The following ZNF786 variants were observed in gnomAD, a reference collection of about 807,000 sequenced individuals.
The protein encoded by ZNF786 is zinc finger protein 786.
Under a neutral mutation model 63.1 loss-of-function variants are expected in ZNF786, and 56 were observed. The observed-to-expected ratio is 0.89, with a 90% CI of 0.72 to 1.11. ZNF786 has a LOEUF of 1.11. Ranked by LOEUF, ZNF786 falls within the 50% of genes least tolerant of loss-of-function variation. The pLI, the probability that ZNF786 is intolerant of heterozygous loss-of-function variation, is 0.00. For synonymous variants in ZNF786, 485 were observed against 406.9 expected (o/e 1.19, Z -2.31); for missense variants, 1,213 against 1,041.8 (o/e 1.16, Z -2.26).
Position 149,070,915 on chromosome 7 carries a change from CCT to C in ZNF786, c.1855_1856del (p.Arg619AlafsTer33). 6.2e-7 allele frequency: 1 copy of C among 1,613,690 alleles called. No homozygotes were observed. Among genetic ancestry groups the C allele is most frequent in the Non-Finnish European group, 8.5e-7 (1 of 1,179,966 alleles). On this transcript the variant is annotated frameshift_variant, in exon 4 of 4. Coordinates refer to ENST00000491431, the MANE Select transcript of ZNF786 (RefSeq NM_152411.4). LOFTEE classifies it high-confidence loss of function. ...LSHQRLHTGE[R>X]PFQCPECDKR... ...TGTCGCACTCCGGACACTGGAAGGG[CCT>C]CTCTCCCGTGTGCAGGCGCTGATGG... is the stretch of plus-strand genomic sequence containing the variant.
Position 149,071,965 on chromosome 7 carries a change from C to T in ZNF786, c.807G>A (p.Arg269=). ...GGAAGCACATTTCACCGTCAGCGTT[C>T]CGGAAGGGGCCCCTCCCCGTGTGGG... ...LAAHTGRGPF[R]NADGEMCFRH... is the part of the protein sequence containing the mutation. The change falls in exon 4 of 4, where the codon CGG becomes CGA. Residue 269 remains arginine, a synonymous_variant. Coordinates refer to ENST00000491431, the MANE Select transcript of ZNF786 (RefSeq NM_152411.4). The T allele has an allele frequency of 6.2e-7, 1 of 1,612,202 alleles. No homozygotes were observed.
Position 149,070,506 on chromosome 7 carries a change from T to C in ZNF786, c.2266A>G (p.Lys756Glu). Residue 756 changes from lysine to glutamate, a missense_variant, in exon 4 of 4, where the codon AAA (lysine) becomes GAA (glutamate). Physicochemically the swap from Lys to Glu is moderately conservative, Grantham distance 56. Transcript: ENST00000491431. ...AGTTCATTTGGAGCAGGACAGGATT[T>C]TGTGTGTACTCTGATGTGCTCCGCA... ...KLAEHIRVHT[K>E]SCPAPNELDI... 15 of 1,614,058 alleles carry C rather than the reference T, an allele frequency of 9.3e-6. No individual in the cohort carries two copies. The highest frequency in any genetic ancestry group is 9.3e-6 in the Non-Finnish European group (11 of 1,179,902).
chr7:149,070,975 G>C lies in ZNF786; in HGVS notation c.1797C>G (p.Asn599Lys). The C allele has an allele frequency of 6.2e-7, 1 of 1,613,272 alleles. No homozygotes were observed. The highest frequency in any genetic ancestry group is 8.5e-7 in the Non-Finnish European group (1 of 1,179,910). Residue 599 changes from asparagine to lysine, a missense_variant, in exon 4 of 4, where the codon AAC becomes AAG. By Grantham distance (94) the Asn-to-Lys change is moderately conservative (BLOSUM62 0). Coordinates refer to ENST00000491431, the MANE Select transcript of ZNF786 (RefSeq NM_152411.4). ...GCTGCCCCTTCAGGCGGAAGCTCCT[G>C]TTGCACTCTGGGCACTGGAAGGGTC... ...GERPFQCPEC[N>K]RSFRLKGQLL...
chr7:149,081,846 G>GAGACTCCTCCAAA (rs929212332), intron 1 of ZNF786, among the ~76,000 whole-genome samples: 1 of 152,010 alleles, frequency 6.6e-6, no homozygotes, highest in Non-Finnish European at 1.5e-5. Flanking sequence ...GAAAATCCTA[G>GAGACTCCTCCAAA]AGACTCCTCC....
At position 149,074,495 on chromosome 7, in the gene ZNF786, G is replaced by A. The variant is rs776400929; in HGVS notation, c.189C>T (p.His63=). The A allele has an allele frequency of 1.2e-5, 20 of 1,613,682 alleles. No homozygotes were observed. The highest frequency in any genetic ancestry group is 1.6e-4 in the Middle Eastern group (1 of 6,084). The change falls in exon 3 of 4, where the codon CAC becomes CAT. Residue 63 remains histidine, a synonymous_variant. Transcript: ENST00000491431. ...TCCATTTCCTGAAGGGCTCTCCCCC[G>A]TGTTCAATCCAGGATATTAGTTCTG... ...PKPELISWIE[H]GGEPFRKWRE...
At position 149,071,143 on chromosome 7, in the gene ZNF786, G is replaced by C. The variant is rs1825405270; in HGVS notation, c.1629C>G (p.Asp543Glu). ...GGATGCCCTTCAGGCGGAAGCGCTTGTCGCACTTCAGGCACTGGAAGGGCC... is the reference window on the plus strand; with the variant it reads ...GGATGCCCTTCAGGCGGAAGCGCTTCTCGCACTTCAGGCACTGGAAGGGCC... ...GERPFQCLKC[D>E]KRFRLKGILK... The change falls in exon 4 of 4, where the codon GAC becomes GAG. Residue 543 changes from aspartate to glutamate, a missense_variant. Physicochemically the swap from Asp to Glu is conservative, Grantham distance 45 (BLOSUM62 2). Transcript: ENST00000491431. The C allele has an allele frequency of 6.2e-7, 1 of 1,611,564 alleles. No individual in the cohort carries two copies. The highest frequency in any genetic ancestry group is 1.7e-5 in the Admixed American group (1 of 59,896).
At position 149,071,208 on chromosome 7, in the gene ZNF786, A is replaced by G. The variant is rs752356403; in HGVS notation, c.1564T>C (p.Cys522Arg). The part of the protein sequence containing the change: ...SECGRGFTHQ[C>R]KLREHLRVHS... ...ACTCTCAGGTGCTCACGGAGCTTGC[A>G]CTGGTGGGTGAAGCCTCTGCCACAC... Residue 522 changes from cysteine (C) to arginine (R), a missense_variant, in exon 4 of 4, where the codon TGC (cysteine) becomes CGC (arginine). Cys to Arg is a radical substitution (Grantham distance 180, BLOSUM62 -3). Transcript: ENST00000491431. The G allele has an allele frequency of 6.2e-7, 1 of 1,610,616 alleles. No individual in the cohort carries two copies. The highest frequency in any genetic ancestry group is 8.5e-7 in the Non-Finnish European group (1 of 1,178,042).
intron 2 of ZNF786, among the ~76,000 whole-genome samples, chr7:149,074,827 A>T (rs142493889): frequency 1.3e-5 from 2 of 151,256 alleles, no homozygotes; most frequent in African/African-American, 4.8e-5. Context: ...ATATATATAT[A>T]TATATTTTTA....
Position 149,070,528 on chromosome 7 carries a change from C to T in ZNF786, c.2244G>A (p.Ala748=), listed in dbSNP as rs770428360. The change falls in exon 4 of 4, where the codon GCG becomes GCA. Residue 748 remains alanine, a synonymous_variant. Transcript: ENST00000491431. ...GKGFIYKSKL[A]EHIRVHTKSC... is the part of the protein sequence containing the mutation. ...ATTTTGTGTGTACTCTGATGTGCTC[C>T]GCAAGCTTAGACTTGTAAATGAAGC... 2 of 1,614,028 alleles carry T rather than the reference C, an allele frequency of 1.2e-6. No homozygotes were observed. The highest frequency in any genetic ancestry group is 1.7e-6 in the Non-Finnish European group (2 of 1,179,906).
chr7:149,070,338 C>G lies in ZNF786; in HGVS notation c.*85G>C. The G allele has an allele frequency of 6.5e-7, 1 of 1,532,640 alleles. No homozygotes were observed. The highest frequency in any genetic ancestry group is 8.8e-7 in the Non-Finnish European group (1 of 1,137,586). 94.9% of individuals were successfully genotyped at this position (1,532,640 alleles called of 1,614,324 possible). ...AAGAAGGATACCTGCTCCTAAAACC[C>G]GTCTACCAGCGGGTCTGGCTACTGT... On this transcript the variant is annotated 3_prime_UTR_variant, in exon 4 of 4. Transcript: ENST00000491431.
chr7:149,088,163 C>G (rs2129516948), intron 1 of ZNF786, among the ~76,000 whole-genome samples: 1 of 152,120 alleles, frequency 6.6e-6, no homozygotes, highest in East Asian at 1.9e-4. Context: ...CCACCACGTC[C>G]AGCTAATTTT....
Position 149,071,730 on chromosome 7 carries a change from G to T in ZNF786, c.1042C>A (p.Gln348Lys). ...SGQKPGSRLP[Q>K]EGNSHQEGDT... Reference sequence around the variant, plus strand: ...CCTTCCTGGTGGCTGTTCCCCTCCTGGGGCAGGCGCGAGCCTGGTTTCTGT... The same window carrying T: ...CCTTCCTGGTGGCTGTTCCCCTCCTTGGGCAGGCGCGAGCCTGGTTTCTGT... Residue 348 changes from glutamine to lysine, a missense_variant, in exon 4 of 4, where the codon CAG becomes AAG. Coordinates refer to ENST00000491431, the MANE Select transcript of ZNF786 (RefSeq NM_152411.4). 1.9e-6 allele frequency: 3 copies of T among 1,585,520 alleles called. No homozygotes were observed. Among genetic ancestry groups the T allele is most frequent in the Non-Finnish European group, 2.6e-6 (3 of 1,173,674 alleles).
chr7:149,073,743 G>GTGTGTGTA (rs1273018811), intron 3 of ZNF786, among the ~76,000 whole-genome samples: 1 of 69,148 alleles, frequency 1.4e-5, no homozygotes, highest in African/African-American at 6.3e-5. Context: ...GTGTGTGTGT[G>GTGTGTGTA]TGTGTATATA....
At chr7:149,078,214 A>G (rs1825592640) in intron 2 of ZNF786, among the ~76,000 whole-genome samples, 1 of 152,132 alleles carries the variant, frequency 6.6e-6, no homozygotes, top group East Asian at 1.9e-4. Context: ...AAGAGAATCC[A>G]TTTGATCTTG....
At chr7:149,086,659 A>C (rs938298162) in intron 1 of ZNF786, among the ~76,000 whole-genome samples, 1 of 129,686 alleles carries the variant, frequency 7.7e-6, no homozygotes, top group Non-Finnish European at 1.8e-5. Context: ...CATACACACA[A>C]AAGGTGAGCT....
At chr7:149,073,714 TATATGTGTGC>T (rs1240249715) in intron 3 of ZNF786, among the ~76,000 whole-genome samples, 1 of 126,994 alleles carries the variant, frequency 7.9e-6, no homozygotes, top group East Asian at 2.4e-4. Flanking sequence ...CGTGTGTGTG[TATATGTGTGC>T]GTGTGTGTGT....
At chr7:149,075,535 G>A (rs936235664) in intron 2 of ZNF786, among the ~76,000 whole-genome samples, 10 of 151,762 alleles carry the variant, frequency 6.6e-5, no homozygotes, top group Admixed American at 3.9e-4. Flanking sequence ...ATGAGCCACC[G>A]CACCTGGCCA....
In ZNF786 at chr7:149,071,920, G is replaced by C; in HGVS notation, c.852C>G (p.Pro284=). The change falls in exon 4 of 4, where the codon CCC becomes CCG. Residue 284 remains proline, a synonymous_variant. Transcript: ENST00000491431. ...EMCFRHELTH[P]SHRLPQQGEK... ...CCCCCTGCTGCGGGAGGCGGTGGCT[G>C]GGATGGGTCAGCTCGTGTCGGAAGC... The C allele has an allele frequency of 6.2e-7, 1 of 1,607,110 alleles. No homozygotes were observed. The highest frequency in any genetic ancestry group is 8.5e-7 in the Non-Finnish European group (1 of 1,177,484).
Position 149,071,040 on chromosome 7 carries a change from A to T in ZNF786, c.1732T>A (p.Ser578Thr). Residue 578 changes from serine (S) to threonine (T), a missense_variant, in exon 4 of 4, where the codon TCC becomes ACC. Ser to Thr is a moderately conservative substitution (Grantham distance 58). Transcript: ENST00000491431. ...ACGCGCAAGTGCTCCGTGAGCTTGG[A>T]TTGTCTGGTGAAGCCCTTGCCACAC... ...GECGKGFTRQSKLTEHLRVHS... is the reference protein window; with the variant it reads ...GECGKGFTRQTKLTEHLRVHS... 1 of 1,610,858 alleles carries T rather than the reference A, an allele frequency of 6.2e-7. No individual in the cohort carries two copies. Among genetic ancestry groups the T allele is most frequent in the Non-Finnish European group, 8.5e-7 (1 of 1,179,602 alleles).
Sources: allele counts gnomAD v4.1 joint callset (sites outside exome capture counted in the v4.1 genomes callset), GRCh38; gene constraint gnomAD v4.1.1; transcripts MANE v1.5; gene names NCBI Gene and HGNC (gene_info 2026-07-23, HGNC 2026-07-21).